GRIN2A: variants seen among roughly 807,000 people sequenced by gnomAD.
GRIN2A encodes glutamate receptor ionotropic, NMDA 2A.
A neutral mutation model predicts 113.4 loss-of-function variants in GRIN2A; 22 were observed. The observed-to-expected ratio is 0.19, with a 90% CI of 0.14 to 0.28. The LOEUF (loss-of-function observed/expected upper bound fraction) is 0.28, where lower values mean the gene tolerates loss of function less well. GRIN2A is among the 10% of genes least tolerant of loss of function. GRIN2A has a pLI of 1.00. For synonymous variants in GRIN2A, 827 were observed against 738.4 expected, an observed-to-expected ratio of 1.12 and a Z score of -1.94; for missense variants, 1,502 against 1,887.0, an observed-to-expected ratio of 0.80 and a Z score of 3.78.
chr16:10,154,688 A>G (rs1301539754), intron 2 of GRIN2A, among the ~76,000 whole-genome samples: 1 of 152,176 alleles, frequency 6.6e-6, no homozygotes, highest in Non-Finnish European at 1.5e-5. Flanking sequence ...AGGAGCTACA[A>G]AAGTATAGGA....
At chr16:9,968,861 C>A (rs963797900) in intron 2 of GRIN2A, among the ~76,000 whole-genome samples, 1 of 152,182 alleles carries the variant, frequency 6.6e-6, no homozygotes, top group Non-Finnish European at 1.5e-5. Context: ...CCCGCCTCAG[C>A]CTTCCAAAGT....
chr16:10,044,022 T>TATATATAGAGAGAGAGAG (rs531659457), intron 2 of GRIN2A, among the ~76,000 whole-genome samples: 2 of 108,014 alleles, frequency 1.9e-5, no homozygotes, highest in South Asian at 4.1e-4. Flanking sequence ...TATATATATA[T>TATATATAGAGAGAGAGAG]AGAGAGAGAG....
chr16:9,839,234 A>T (rs2042632625), intron 7 of GRIN2A, among the ~76,000 whole-genome samples: 1 of 152,174 alleles, frequency 6.6e-6, no homozygotes, highest in South Asian at 2.1e-4. Flanking sequence ...ATGATAACCA[A>T]ACAGTTAATA....
chr16:10,176,417 T>C (rs2050149490), intron 2 of GRIN2A, among the ~76,000 whole-genome samples: 1 of 152,174 alleles, frequency 6.6e-6, no homozygotes, highest in Admixed American at 6.5e-5. Flanking sequence ...CACATTTGCA[T>C]GACATTTCAA....
intron 10 of GRIN2A, among the ~76,000 whole-genome samples, chr16:9,815,423 A>G (rs2042169330): frequency 1.3e-5 from 2 of 151,834 alleles, no homozygotes; most frequent in South Asian, 4.2e-4. Context: ...CAAAAAAAAA[A>G]AAAAAAAGAA....
At chr16:10,066,555 G>C (rs141792395) in intron 2 of GRIN2A, among the ~76,000 whole-genome samples, 131 of 152,254 alleles carry the variant, frequency 8.6e-4, no homozygotes, top group African/African-American at 2.8e-3. Flanking sequence ...CACTGAGTAA[G>C]ACCTCACTCA....
chr16:10,112,261 TC>T, intron 2 of GRIN2A: 1 of 636,352 alleles, frequency 1.6e-6, no homozygotes, highest in Non-Finnish European at 2.9e-6. Flanking sequence ...CAGAAGTACC[TC>T]CACCTCCAGG....
rs1900430589 is a variant in GRIN2A at position 9,758,043 on chromosome 16, A to T, written c.*5106T>A. ...TGTCTTGGATCTAATCCTCGCTCTG[A>T]TACTCTCTAACTTGATGATCTTAAA... is the stretch of plus-strand genomic sequence containing the variant. On this transcript the variant is annotated 3_prime_UTR_variant, in exon 13 of 13. Coordinates refer to ENST00000330684, the MANE Select transcript of GRIN2A (RefSeq NM_001134407.3). 2 of 213,418 alleles carry T rather than the reference A, an allele frequency of 9.4e-6. No individual in the cohort carries two copies. Among genetic ancestry groups the T allele is most frequent in the Non-Finnish European group, 1.9e-5 (2 of 105,474 alleles). 13.2% of individuals were successfully genotyped at this position (213,418 alleles called of 1,614,324 possible).
At chr16:9,992,801 G>C (rs1237371310) in intron 2 of GRIN2A, among the ~76,000 whole-genome samples, 1 of 152,072 alleles carries the variant, frequency 6.6e-6, no homozygotes, top group Non-Finnish European at 1.5e-5. Context: ...TATGTAAATC[G>C]GTGCATAACA....
chr16:9,850,269 G>T (rs549935962), intron 4 of GRIN2A, among the ~76,000 whole-genome samples: 111 of 152,158 alleles, frequency 7.3e-4, no homozygotes, highest in Non-Finnish European at 1.3e-3. Context: ...TCAGGACCAC[G>T]GATGGCAAGG....
intron 10 of GRIN2A, among the ~76,000 whole-genome samples, chr16:9,814,257 A>G (rs1407811231): frequency 6.6e-6 from 1 of 152,220 alleles, no homozygotes; most frequent in African/African-American, 2.4e-5. Flanking sequence ...CCTAGGTGGC[A>G]TTTCCAAGTG....
chr16:9,783,587 G>A (rs1433464904), intron 11 of GRIN2A, among the ~76,000 whole-genome samples: 2 of 152,276 alleles, frequency 1.3e-5, no homozygotes, highest in South Asian at 4.1e-4. Context: ...CTAACGCTTA[G>A]AAGTGCCAAA....
chr16:9,772,751 G>A (rs112728233), intron 11 of GRIN2A, among the ~76,000 whole-genome samples: 316 of 152,010 alleles, frequency 2.1e-3, no homozygotes, highest in African/African-American at 6.9e-3. Flanking sequence ...TCTTCCTTTC[G>A]GTGTTGCCTC....
intron 2 of GRIN2A, among the ~76,000 whole-genome samples, chr16:10,173,325 T>C (rs1225271228): frequency 6.6e-6 from 1 of 152,228 alleles, no homozygotes; most frequent in African/African-American, 2.4e-5. Context: ...ATCCAAACTC[T>C]GGAGCTGCCA....
At chr16:9,941,929 A>G (rs1383508300) in intron 2 of GRIN2A, among the ~76,000 whole-genome samples, 1 of 152,158 alleles carries the variant, frequency 6.6e-6, no homozygotes, top group Admixed American at 6.5e-5. Flanking sequence ...GTACAGGTAG[A>G]AAATCAGGTT....
At chr16:9,785,605 A>G (rs189010363) in intron 11 of GRIN2A, among the ~76,000 whole-genome samples, 6 of 152,066 alleles carry the variant, frequency 3.9e-5, no homozygotes, top group Non-Finnish European at 7.4e-5. Flanking sequence ...ATATATATAT[A>G]TAATGTAAAG....
intron 3 of GRIN2A, among the ~76,000 whole-genome samples, chr16:9,919,034 G>A (rs1190627423): frequency 3.9e-5 from 6 of 152,042 alleles, no homozygotes; most frequent in Admixed American, 1.3e-4. Flanking sequence ...TTAGCCAGGC[G>A]TGGTGGTGTG....
chr16:9,783,401 C>G (rs571775167), intron 11 of GRIN2A, among the ~76,000 whole-genome samples: 1 of 152,314 alleles, frequency 6.6e-6, no homozygotes, highest in African/African-American at 2.4e-5. Context: ...TTATTTTTAA[C>G]ACTGTTATTA....
chr16:10,013,543 G>A (rs1004642364), intron 2 of GRIN2A, among the ~76,000 whole-genome samples: 31 of 152,228 alleles, frequency 2.0e-4, no homozygotes, highest in East Asian at 7.7e-4. Context: ...ACAGCCCTTC[G>A]TATGTTTGAA....
Sources: gnomAD v4.1 joint callset for allele counts (sites outside exome capture counted in the v4.1 genomes callset) on GRCh38, gnomAD v4.1.1 for gene constraint, MANE v1.5 for transcripts, NCBI Gene and HGNC (gene_info 2026-07-23, HGNC 2026-07-21) for gene names.